Variants in LINGO4 observed in about 807,000 individuals in gnomAD.
The protein encoded by LINGO4 is leucine rich repeat and Ig domain containing 4.
LINGO4 carries 22 observed loss-of-function variants against 27.9 expected under a neutral mutation model. That is an observed-to-expected ratio of 0.79 (90% CI 0.56 to 1.13). The LOEUF (loss-of-function observed/expected upper bound fraction) is 1.13, where lower values mean the gene tolerates loss of function less well. LINGO4 is among the 50% of genes most tolerant of loss of function. The probability of loss-of-function intolerance (pLI) is 0.00; values close to 1 mark genes in which losing one functional copy is unlikely to be tolerated. For missense variants in LINGO4, 706 were observed against 739.4 expected (o/e 0.95, Z 0.52); for synonymous variants, 306 against 325.8 (o/e 0.94, Z 0.65).
At position 151,800,636 on chromosome 1, in the gene LINGO4, T is replaced by A; in HGVS notation, c.*287A>T. 1 of 400,676 alleles carries A rather than the reference T, an allele frequency of 2.5e-6. No individual in the cohort carries two copies. Among genetic ancestry groups the A allele is most frequent in the Non-Finnish European group, 4.5e-6 (1 of 222,876 alleles). 24.8% of individuals were successfully genotyped at this position (400,676 alleles called of 1,614,324 possible). On this transcript the variant is annotated 3_prime_UTR_variant, in exon 2 of 2. Coordinates refer to ENST00000368820, the MANE Select transcript of LINGO4 (RefSeq NM_001004432.4). ...GTGGTTAGACTAGCTGACTAGCGCT[T>A]TGATTATGTTTCCTGTTTTGTGTGT...
rs1651147164 is a variant in LINGO4, at chr1:151,801,539, TG to T, written c.1165del (p.His389IlefsTer8). 1.2e-6 allele frequency: 2 copies of T among 1,613,810 alleles called. No homozygotes were observed. Among genetic ancestry groups the T allele is most frequent in the Non-Finnish European group, 1.7e-6 (2 of 1,179,978 alleles). ...CTTCAGGCTCTTCCCCTGGACATGA[TG>T]GGGGCCAGCACAGGCAGGGGGGGAC... Reference protein sequence around the residue: ...GMSPPACAGPHHVQGKSLKEF... With the variant: ...GMSPPACAGPXHVQGKSLKEF... On this transcript the variant is annotated frameshift_variant, in exon 2 of 2. Transcript: ENST00000368820. LOFTEE classifies it high-confidence loss of function. This position sits in a 1 kb window ranked among gnomAD's most constrained non-coding sequence, Gnocchi z 5.7.
At chr1:151,803,750 G>A (rs1651212696) in intron 1 of LINGO4, among the ~76,000 whole-genome samples, 1 of 152,192 alleles carries the variant, frequency 6.6e-6, no homozygotes, top group East Asian at 1.9e-4. Flanking sequence ...GGGGAGGAAG[G>A]GAGCCGTTGG....
chr1:151,805,385 C>A lies in LINGO4; in HGVS notation c.-169G>T. The A allele has an allele frequency of 5.1e-6, 1 of 195,364 alleles. No homozygotes were observed. The highest frequency in any genetic ancestry group is 1.1e-5 in the Non-Finnish European group (1 of 93,542). 12.1% of individuals were successfully genotyped at this position (195,364 alleles called of 1,614,324 possible). ...CGGCTGCTGCCTGCCGCTGCTGCTG[C>A]TGCTGTTGCTGCTGCGGCCGCTGCT... On this transcript the variant is annotated 5_prime_UTR_variant, in exon 1 of 2. Transcript: ENST00000368820.
intron 1 of LINGO4, among the ~76,000 whole-genome samples, chr1:151,803,009 A>G (rs1257687449): frequency 6.6e-6 from 1 of 151,976 alleles, no homozygotes; most frequent in Non-Finnish European, 1.5e-5. Flanking sequence ...GAAAAAGCTT[A>G]TGGGAATGGG....
rs575645627 is a variant in LINGO4 at position 151,805,230 on chromosome 1, C to T, written c.-14G>A. ...TGGGACAGAGAGTGGGGGCACTTAC[C>T]GGAGAAGCTGGAAGGTGGCATCAAG... is the stretch of plus-strand genomic sequence containing the variant. On this transcript the variant is annotated splice_region_variant and 5_prime_UTR_variant, in exon 1 of 2. Coordinates refer to ENST00000368820, the MANE Select transcript of LINGO4 (RefSeq NM_001004432.4). 228 of 154,020 alleles carry T rather than the reference C, an allele frequency of 1.5e-3. 1 individual carries two copies. The highest frequency in any genetic ancestry group is 2.4e-3 in the Non-Finnish European group (162 of 68,560). 9.5% of individuals were successfully genotyped at this position (154,020 alleles called of 1,614,324 possible).
In LINGO4 at chr1:151,801,611, C is replaced by T. The variant is rs201756252; in HGVS notation, c.1094G>A (p.Arg365His). ...LSGNPLTCDC[R>H]LLWLLRLRRH... ...GCGGAGCCGGAGCAGCCAGAGGAGG[C>T]GGCAGTCACAGGTTAGGGGGTTGCC... Residue 365 changes from arginine to histidine, a missense_variant, in exon 2 of 2, where the codon CGC becomes CAC. Coordinates refer to ENST00000368820, the MANE Select transcript of LINGO4 (RefSeq NM_001004432.4). The surrounding 1 kb of genome is among the most constrained non-coding windows in gnomAD (Gnocchi z 5.7). The T allele has an allele frequency of 1.1e-5, 17 of 1,613,782 alleles. No individual in the cohort carries two copies. Among genetic ancestry groups the T allele is most frequent in the South Asian group, 5.5e-5 (5 of 91,096 alleles).
chr1:151,802,127 C>T lies in LINGO4; in HGVS notation c.578G>A (p.Ser193Asn). ...STLTLERCNL[S>N]TVPGLALARL... ...GGCAAGGGCTAGGCCAGGCACTGTGCTGAGGTTGCAGCGCTCCAGGGTGAG... is the reference window on the plus strand; with the variant it reads ...GGCAAGGGCTAGGCCAGGCACTGTGTTGAGGTTGCAGCGCTCCAGGGTGAG... The change falls in exon 2 of 2, where the codon AGC (serine) becomes AAC (asparagine). Residue 193 changes from serine (S) to asparagine (N), a missense_variant. Coordinates refer to ENST00000368820, the MANE Select transcript of LINGO4 (RefSeq NM_001004432.4). 1.2e-6 allele frequency: 2 copies of T among 1,613,946 alleles called. No homozygotes were observed. The highest frequency in any genetic ancestry group is 1.7e-6 in the Non-Finnish European group (2 of 1,180,030).
In LINGO4 at chr1:151,801,799, G is replaced by A. The variant is rs1438556002; in HGVS notation, c.906C>T (p.Leu302=). ...PARRLSPLVR[L]QELRLSGACL... ...ATGCCCCTGACAGGCGTAGCTCCTG[G>A]AGCCGCACCAGGGGGCTGAGCCTTC... Residue 302 remains leucine (L), a synonymous_variant, in exon 2 of 2, where the codon CTC becomes CTT. Transcript: ENST00000368820. This position sits in a 1 kb window ranked among gnomAD's most constrained non-coding sequence, Gnocchi z 5.7. 6.2e-7 allele frequency: 1 copy of A among 1,614,234 alleles called. No homozygotes were observed. The highest frequency in any genetic ancestry group is 8.5e-7 in the Non-Finnish European group (1 of 1,180,046).
At chr1:151,803,121 T>G (rs905107837) in intron 1 of LINGO4, among the ~76,000 whole-genome samples, 5 of 152,204 alleles carry the variant, frequency 3.3e-5, no homozygotes, top group African/African-American at 1.2e-4. Context: ...TACCTGCTCT[T>G]CCCAAGCTCT....
Position 151,800,970 on chromosome 1 carries a change from C to T in LINGO4, c.1735G>A (p.Gly579Arg). ...TFDFVAPRPS[G>R]DKNSGGNRVT... is the part of the protein sequence containing the mutation. ...CGGTTACCCCCAGAGTTTTTATCCC[C>T]AGAGGGCCGAGGTGCCACAAAGTCA... Residue 579 changes from glycine (G) to arginine (R), a missense_variant, in exon 2 of 2, where the codon GGG becomes AGG. By Grantham distance (125) the Gly-to-Arg change is moderately radical (BLOSUM62 -2). Coordinates refer to ENST00000368820, the MANE Select transcript of LINGO4 (RefSeq NM_001004432.4). 6.2e-7 allele frequency: 1 copy of T among 1,613,692 alleles called. No homozygotes were observed. Among genetic ancestry groups the T allele is most frequent in the Non-Finnish European group, 8.5e-7 (1 of 1,179,690 alleles).
Position 151,801,752 on chromosome 1 carries a change from T to G in LINGO4, c.953A>C (p.His318Pro). ...SGACLTSIAAHAFHGLTAFHL... is the reference protein window; with the variant it reads ...SGACLTSIAAPAFHGLTAFHL... Reference sequence around the variant, plus strand: ...GAAGGCAGTCAAGCCATGGAAGGCATGGGCAGCAATGGAGGTGAGGCATGC... The same window carrying G: ...GAAGGCAGTCAAGCCATGGAAGGCAGGGGCAGCAATGGAGGTGAGGCATGC... The change falls in exon 2 of 2, where the codon CAT becomes CCT. Residue 318 changes from histidine to proline, a missense_variant. His to Pro is a moderately conservative substitution (Grantham distance 77, BLOSUM62 -2). Transcript: ENST00000368820. This position sits in a 1 kb window ranked among gnomAD's most constrained non-coding sequence, Gnocchi z 5.7. 1 of 1,614,122 alleles carries G rather than the reference T, an allele frequency of 6.2e-7. No individual in the cohort carries two copies. Among genetic ancestry groups the G allele is most frequent in the Non-Finnish European group, 8.5e-7 (1 of 1,180,018 alleles).
rs758851401 is a variant in LINGO4, at chr1:151,801,442, T to A, written c.1263A>T (p.Arg421=). 3 of 1,614,108 alleles carry A rather than the reference T, an allele frequency of 1.9e-6. No homozygotes were observed. In the South Asian group the frequency reaches 3.3e-5, roughly 18 times the overall value. Residue 421 remains arginine (R), a synonymous_variant, in exon 2 of 2, where the codon CGA becomes CGT. Coordinates refer to ENST00000368820, the MANE Select transcript of LINGO4 (RefSeq NM_001004432.4). This position sits in a 1 kb window ranked among gnomAD's most constrained non-coding sequence, Gnocchi z 5.7. ...GCCCGCCCTCCTCTGCAATGACCCA[T>A]CGAGGCCCCGACTTTCGGATCAGGG... ...KPALIRKSGP[R]WVIAEEGGHA...
chr1:151,800,900 GT>G lies in LINGO4; in HGVS notation c.*22del. 1 of 1,571,344 alleles carries G rather than the reference GT, an allele frequency of 6.4e-7. No homozygotes were observed. The highest frequency in any genetic ancestry group is 2.2e-5 in the East Asian group (1 of 44,466). On this transcript the variant is annotated 3_prime_UTR_variant, in exon 2 of 2. Transcript: ENST00000368820. The stretch of plus-strand genomic sequence containing the variant: ...TTGGTATCTGAAGCGGACTTGGTGG[GT>G]TCCCCACTGGGGAAGGAAAGGTCAG...
At chr1:151,802,762 A>G in intron 1 of LINGO4, 45 bp from the exon 2 acceptor site, 1 of 1,362,900 alleles carries the variant, frequency 7.3e-7, no homozygotes, top group East Asian at 2.5e-5. Flanking sequence ...GTGGCTTCAG[A>G]TGACGGTGAC....
chr1:151,802,273 A>T lies in LINGO4; in HGVS notation c.432T>A (p.Ile144=). 6.2e-7 allele frequency: 1 copy of T among 1,614,186 alleles called. No individual in the cohort carries two copies. Among genetic ancestry groups the T allele is most frequent in the Non-Finnish European group, 8.5e-7 (1 of 1,180,038 alleles). ...CAAAAGCTCCATCTAGGAAGAGAAC[A>T]ATCTGGTTGAGGCGGAGGTCCAGCA... ...LTLLDLRLNQ[I]VLFLDGAFGE... Residue 144 remains isoleucine, a synonymous_variant, in exon 2 of 2, where the codon ATT becomes ATA. Coordinates refer to ENST00000368820, the MANE Select transcript of LINGO4 (RefSeq NM_001004432.4).
Position 151,801,343 on chromosome 1 carries a change from C to G in LINGO4, c.1362G>C (p.Trp454Cys), listed in dbSNP as rs759517216. 3 of 1,613,316 alleles carry G rather than the reference C, an allele frequency of 1.9e-6. No individual in the cohort carries two copies. The highest frequency in any genetic ancestry group is 2.2e-5 in the South Asian group (2 of 91,074). ...CCCTTACTCTCCCAGCCCTGCCCAG[C>G]CAAGCCCCATGAGGCCTCATCCAGG... ...TVSWMRPHGA[W>C]LGRAGRVRVL... The change falls in exon 2 of 2, where the codon TGG becomes TGC. Residue 454 changes from tryptophan to cysteine, a missense_variant. Physicochemically the swap from Trp to Cys is radical, Grantham distance 215. Coordinates refer to ENST00000368820, the MANE Select transcript of LINGO4 (RefSeq NM_001004432.4). The surrounding 1 kb of genome is among the most constrained non-coding windows in gnomAD (Gnocchi z 5.7).
rs766224285 is a variant in LINGO4 at position 151,801,326 on chromosome 1, C to T, written c.1379G>A (p.Arg460Lys). The change falls in exon 2 of 2, where the codon AGA becomes AAA. Residue 460 changes from arginine (R) to lysine (K), a missense_variant. Transcript: ENST00000368820. The surrounding 1 kb of genome is among the most constrained non-coding windows in gnomAD (Gnocchi z 5.7). ...TGTCCCATCCTCTAGGACCCTTACT[C>T]TCCCAGCCCTGCCCAGCCAAGCCCC... ...PHGAWLGRAG[R>K]VRVLEDGTLE... 5 of 1,612,718 alleles carry T rather than the reference C, an allele frequency of 3.1e-6. No homozygotes were observed. The highest frequency in any genetic ancestry group is 1.3e-5 in the African/African-American group (1 of 75,046).
rs531705100 is a variant in LINGO4 at position 151,801,091 on chromosome 1, G to A, written c.1614C>T (p.Val538=). 28 of 1,614,182 alleles carry A rather than the reference G, an allele frequency of 1.7e-5. No homozygotes were observed. Among genetic ancestry groups the A allele is most frequent in the East Asian group, 2.2e-5 (1 of 44,886 alleles). The change falls in exon 2 of 2, where the codon GTC becomes GTT. Residue 538 remains valine, a synonymous_variant. Coordinates refer to ENST00000368820, the MANE Select transcript of LINGO4 (RefSeq NM_001004432.4). This position sits in a 1 kb window ranked among gnomAD's most constrained non-coding sequence, Gnocchi z 5.7. ...CTGAGGTGAGGAAGGGGAGGAAGCC[G>A]ACTGCCAGCACCATGGCCACACCTC... ...DSRGVAMVLA[V]GFLPFLTSVT... is the part of the protein sequence containing the mutation.
In LINGO4 at chr1:151,802,271, A is replaced by G. The variant is rs1224233810; in HGVS notation, c.434T>C (p.Val145Ala). The G allele has an allele frequency of 6.2e-7, 1 of 1,614,226 alleles. No homozygotes were observed. The highest frequency in any genetic ancestry group is 1.7e-5 in the Admixed American group (1 of 60,024). The stretch of plus-strand genomic sequence containing the variant: ...CCCAAAAGCTCCATCTAGGAAGAGA[A>G]CAATCTGGTTGAGGCGGAGGTCCAG... The part of the protein sequence containing the change: ...TLLDLRLNQI[V>A]LFLDGAFGEL... The change falls in exon 2 of 2, where the codon GTT (valine) becomes GCT (alanine). Residue 145 changes from valine to alanine, a missense_variant. Transcript: ENST00000368820.
Sources: allele counts gnomAD v4.1 joint callset (sites outside exome capture counted in the v4.1 genomes callset), GRCh38; gene constraint gnomAD v4.1.1; non-coding constraint Gnocchi (gnomAD v3.1); transcripts MANE v1.5; gene names NCBI Gene and HGNC (gene_info 2026-07-23, HGNC 2026-07-21).